Variants in DLG2 observed in about 807,000 individuals in gnomAD.
DLG2 encodes the protein discs large MAGUK scaffold protein 2.
In DLG2, 45 loss-of-function variants were observed where a neutral mutation model predicts 132.5. That is an observed-to-expected ratio of 0.34 (90% CI 0.27 to 0.44). The LOEUF (loss-of-function observed/expected upper bound fraction) is 0.44. Ranked by LOEUF, DLG2 falls within the 20% of genes least tolerant of loss-of-function variation. The pLI is 1.00. For missense variants in DLG2, 1,045 were observed against 1,196.9 expected, an observed-to-expected ratio of 0.87 and a Z score of 1.87; for synonymous variants, 424 against 419.6, an observed-to-expected ratio of 1.01 and a Z score of -0.13.
intron 6 of DLG2, among the ~76,000 whole-genome samples, chr11:84,856,942 A>G (rs2082866596): frequency 6.6e-6 from 1 of 152,060 alleles, no homozygotes; most frequent in Non-Finnish European, 1.5e-5. Flanking sequence ...TAAAAGAACC[A>G]AAAGTATGTT....
At chr11:84,600,213 A>AAAGG (rs2154532104) in intron 6 of DLG2, among the ~76,000 whole-genome samples, 1 of 136,692 alleles carries the variant, frequency 7.3e-6, no homozygotes, top group East Asian at 2.0e-4. Flanking sequence ...AGAAAGAAAG[A>AAAGG]AAGAAAGAAA....
At chr11:84,419,580 G>C (rs929091066) in intron 7 of DLG2, among the ~76,000 whole-genome samples, 3 of 152,120 alleles carry the variant, frequency 2.0e-5, no homozygotes, top group Non-Finnish European at 4.4e-5. Context: ...TTTCAAGACA[G>C]ACACACAGAA....
Position 84,653,874 on chromosome 11 carries a change from C to T in DLG2, c.358-119143G>A, listed in dbSNP as rs76744041. Among the ~76,000 whole-genome samples the T allele has an allele frequency of 3.8e-3, 583 of 152,226 alleles. 1 individual carries two copies. Among genetic ancestry groups the T allele is most frequent in the African/African-American group, 0.013 (556 of 41,554 alleles). ...TTAGTAGCTTATTGTCTCTTCTAGC[C>T]TTTCTTGGGAGAGGCATTTGGCATC... On this transcript the variant is annotated intron_variant, in intron 6 of 27. Coordinates refer to ENST00000376104, the MANE Select transcript of DLG2 (RefSeq NM_001142699.3).
chr11:84,589,635 A>G (rs1437432209), intron 6 of DLG2, among the ~76,000 whole-genome samples: 3 of 152,200 alleles, frequency 2.0e-5, no homozygotes, highest in Non-Finnish European at 4.4e-5. Flanking sequence ...CTTGAGTCTT[A>G]TCAATTACAC....
At chr11:85,259,897 A>T (rs890325936) in intron 4 of DLG2, among the ~76,000 whole-genome samples, 1 of 152,130 alleles carries the variant, frequency 6.6e-6, no homozygotes, top group African/African-American at 2.4e-5. Context: ...TCCTGTACCT[A>T]ACACACTATC....
At chr11:84,472,371 G>A (rs896752338) in intron 7 of DLG2, among the ~76,000 whole-genome samples, 5 of 151,728 alleles carry the variant, frequency 3.3e-5, no homozygotes, top group Non-Finnish European at 7.4e-5. Context: ...AAAATCTTTG[G>A]TGAGATAAAT....
At chr11:83,668,620 TAC>T (rs35883601) in intron 18 of DLG2, among the ~76,000 whole-genome samples, 7,109 of 151,378 alleles carry the variant, frequency 0.047, 207 homozygotes, top group South Asian at 0.094. Flanking sequence ...AAACTATATA[TAC>T]ACACACACAT....
chr11:84,522,212 T>A (rs770611367), intron 7 of DLG2, among the ~76,000 whole-genome samples: 2 of 150,806 alleles, frequency 1.3e-5, no homozygotes, highest in African/African-American at 2.4e-5. Context: ...AAAGAAAAAA[T>A]TTATTCACAT....
chr11:83,485,282 G>A (rs2093430485), intron 21 of DLG2, among the ~76,000 whole-genome samples: 1 of 152,114 alleles, frequency 6.6e-6, no homozygotes, highest in African/African-American at 2.4e-5. Flanking sequence ...ACTCCCTAAG[G>A]AAATTCCATT....
chr11:84,059,251 G>A (rs576333848), intron 11 of DLG2, 64 bp downstream of exon 11: 36 of 1,496,388 alleles, frequency 2.4e-5, no homozygotes, highest in Admixed American at 3.5e-5. Flanking sequence ...TACGACTATC[G>A]TGGCATAAAC....
intron 26 of DLG2, among the ~76,000 whole-genome samples, chr11:83,463,960 C>T (rs889687657): frequency 6.6e-6 from 1 of 152,142 alleles, no homozygotes; most frequent in Non-Finnish European, 1.5e-5. Flanking sequence ...TCTTTGAGGG[C>T]GAAGACCATG....
chr11:85,488,653 A>G (rs1198675593), intron 3 of DLG2, among the ~76,000 whole-genome samples: 2 of 152,226 alleles, frequency 1.3e-5, no homozygotes, highest in Non-Finnish European at 2.9e-5. Flanking sequence ...TAAATAAACA[A>G]GAGTATTCCC....
intron 6 of DLG2, among the ~76,000 whole-genome samples, chr11:84,813,059 T>A (rs190846447): frequency 5.1e-4 from 77 of 152,194 alleles, no homozygotes; most frequent in African/African-American, 1.8e-3. Context: ...TGTTTATCCT[T>A]AAAAAGGCTT....
intron 7 of DLG2, among the ~76,000 whole-genome samples, chr11:84,480,391 G>A (rs1165301375): frequency 2.0e-5 from 3 of 152,158 alleles, no homozygotes; most frequent in East Asian, 3.9e-4. Flanking sequence ...TTGCATCAGC[G>A]AAACAGGCAG....
intron 6 of DLG2, among the ~76,000 whole-genome samples, chr11:84,915,860 G>A (rs374159476): frequency 6.6e-6 from 1 of 152,218 alleles, no homozygotes; most frequent in East Asian, 1.9e-4. Context: ...TTTGTCATGT[G>A]CAAGGCAATG....
chr11:84,776,704 A>G (rs2070587945), intron 6 of DLG2, among the ~76,000 whole-genome samples: 1 of 152,196 alleles, frequency 6.6e-6, no homozygotes, highest in African/African-American at 2.4e-5. Context: ...AATCCATTTG[A>G]GAGTCATCCA....
chr11:84,954,545 G>A lies in DLG2; in HGVS notation c.357+157116C>T, dbSNP rs1312303386. Among the ~76,000 whole-genome samples the A allele has an allele frequency of 2.6e-5, 4 of 152,130 alleles. No individual in the cohort carries two copies. The East Asian group carries it at 5.8e-4, about 22-fold the overall frequency. ...TATTACACACTAAGGTTGGTAAATGGATAGGCTTTATTGAGCAGAGGTTAT... is the reference window on the plus strand; with the variant it reads ...TATTACACACTAAGGTTGGTAAATGAATAGGCTTTATTGAGCAGAGGTTAT... On this transcript the variant is annotated intron_variant, in intron 6 of 27. Transcript: ENST00000376104.
intron 19 of DLG2, among the ~76,000 whole-genome samples, chr11:83,606,783 C>G (rs557725060): frequency 6.6e-6 from 1 of 152,066 alleles, no homozygotes; most frequent in Admixed American, 6.6e-5. Context: ...AAAAATTAAC[C>G]GGGCATGGTG....
At chr11:84,471,019 C>T (rs2099107089) in intron 7 of DLG2, among the ~76,000 whole-genome samples, 1 of 151,732 alleles carries the variant, frequency 6.6e-6, no homozygotes, top group Admixed American at 6.6e-5. Flanking sequence ...CTGTGTTTCC[C>T]TTTTTGCTTG....
Sources: allele counts gnomAD v4.1 joint callset (sites outside exome capture counted in the v4.1 genomes callset), GRCh38; gene constraint gnomAD v4.1.1; transcripts MANE v1.5; gene names NCBI Gene and HGNC (gene_info 2026-07-23, HGNC 2026-07-21).